The following THAP4 variants were observed in gnomAD, a reference collection of about 807,000 sequenced individuals.
THAP4 encodes THAP domain containing 4, also known as peroxynitrite isomerase THAP4.
In THAP4, 18 loss-of-function variants were observed where a neutral mutation model predicts 48.1. The ratio of observed to expected loss-of-function variants is 0.37; its 90% CI spans 0.26 to 0.56. The LOEUF (loss-of-function observed/expected upper bound fraction) is 0.56. THAP4 is among the 20% of genes least tolerant of loss of function. The pLI is 0.78. For synonymous variants in THAP4, 345 were observed against 324.9 expected (o/e 1.06, Z -0.66); for missense variants, 656 against 774.9 (o/e 0.85, Z 1.82).
At position 241,601,868 on chromosome 2, in the gene THAP4, A is replaced by G; in HGVS notation, c.1614+28T>C. 6.2e-7 allele frequency: 1 copy of G among 1,612,952 alleles called. No individual in the cohort carries two copies. The highest frequency in any genetic ancestry group is 1.1e-5 in the South Asian group (1 of 90,670). ...CAGACCGCTGCAAACAGAAGACAGGAGCGTGCTGGGAGCAGGGCTGGGCTC... is the reference window on the plus strand; with the variant it reads ...CAGACCGCTGCAAACAGAAGACAGGGGCGTGCTGGGAGCAGGGCTGGGCTC... On this transcript the variant is annotated intron_variant, in intron 5 of 5. Transcript: ENST00000407315. The surrounding 1 kb of genome is among the most constrained non-coding windows in gnomAD (Gnocchi z 4.0).
chr2:241,621,889 T>A (rs1450784365), intron 2 of THAP4, among the ~76,000 whole-genome samples: 1 of 151,388 alleles, frequency 6.6e-6, no homozygotes, highest in East Asian at 1.9e-4. Context: ...AATCCTTACA[T>A]GTAGAGCAGA....
In THAP4 at chr2:241,601,393, T is replaced by C. The variant is rs748953348; in HGVS notation, c.1614+503A>G. Among the ~76,000 whole-genome samples the C allele has an allele frequency of 3.0e-4, 45 of 152,162 alleles. 1 individual carries two copies. The highest frequency in any genetic ancestry group is 6.0e-4 in the Non-Finnish European group (41 of 68,026). ...TGAGCCCTCCTGCTTCTAAGTTAGATTCAAAACATGAGTGAGATTTCATCT... is the reference window on the plus strand; with the variant it reads ...TGAGCCCTCCTGCTTCTAAGTTAGACTCAAAACATGAGTGAGATTTCATCT... On this transcript the variant is annotated intron_variant, in intron 5 of 5. Coordinates refer to ENST00000407315, the MANE Select transcript of THAP4 (RefSeq NM_015963.6). The surrounding 1 kb of genome is among the most constrained non-coding windows in gnomAD (Gnocchi z 4.0).
chr2:241,587,513 A>G (rs1559214996), intron 5 of THAP4, among the ~76,000 whole-genome samples: 2 of 152,192 alleles, frequency 1.3e-5, no homozygotes, highest in South Asian at 2.1e-4. Context: ...GGGGACTTTT[A>G]TAACTATTGA....
chr2:241,633,998 T>A lies in THAP4; in HGVS notation c.159A>T (p.Ser53=). ...TGGTGAAATGCTCACTACAGAGAAATGAATACTTAGTGGGAGTCCAGTTAT... is the reference window on the plus strand; with the variant it reads ...TGGTGAAATGCTCACTACAGAGAAAAGAATACTTAGTGGGAGTCCAGTTAT... ...QRDNWTPTKY[S]FLCSEHFTKD... The change falls in exon 2 of 6, where the codon TCA becomes TCT. Residue 53 remains serine (S), a synonymous_variant. Coordinates refer to ENST00000407315, the MANE Select transcript of THAP4 (RefSeq NM_015963.6). This position sits in a 1 kb window ranked among gnomAD's most constrained non-coding sequence, Gnocchi z 7.5. The A allele has an allele frequency of 6.2e-7, 1 of 1,614,136 alleles. No homozygotes were observed. The highest frequency in any genetic ancestry group is 8.5e-7 in the Non-Finnish European group (1 of 1,180,022).
chr2:241,593,381 G>C (rs1225477785), intron 5 of THAP4, among the ~76,000 whole-genome samples: 1 of 152,256 alleles, frequency 6.6e-6, no homozygotes, highest in Non-Finnish European at 1.5e-5. Flanking sequence ...TGTGTCTCCT[G>C]CAACAGCCCC....
intron 2 of THAP4, among the ~76,000 whole-genome samples, chr2:241,629,906 C>A (rs957448414): frequency 1.3e-5 from 2 of 151,940 alleles, no homozygotes; most frequent in African/African-American, 4.8e-5. Context: ...GGTCCGCTGA[C>A]TAACACAAGT....
At position 241,634,025 on chromosome 2, in the gene THAP4, C is replaced by T; in HGVS notation, c.132G>A (p.Arg44=). ...AATACTTAGTGGGAGTCCAGTTATC[C>T]CTCTGAACAGCTTTTAACCATTGGA... ...RLIQWLKAVQ[R]DNWTPTKYSF... is the part of the protein sequence containing the mutation. Residue 44 remains arginine, a synonymous_variant, in exon 2 of 6, where the codon AGG becomes AGA. Transcript: ENST00000407315. 1 of 1,613,512 alleles carries T rather than the reference C, an allele frequency of 6.2e-7. No homozygotes were observed. The highest frequency in any genetic ancestry group is 8.5e-7 in the Non-Finnish European group (1 of 1,179,736).
intron 2 of THAP4, chr2:241,617,422 G>C: frequency 6.4e-7 from 1 of 1,551,154 alleles, no homozygotes; most frequent in African/African-American, 1.4e-5. Context: ...CCATCCCTAA[G>C]TTTTCTAAAC....
At chr2:241,608,498 A>G (rs553050828) in intron 2 of THAP4, among the ~76,000 whole-genome samples, 1 of 152,222 alleles carries the variant, frequency 6.6e-6, no homozygotes, top group African/African-American at 2.4e-5. Context: ...AAACTTTCCT[A>G]ATTAGACAAT....
chr2:241,594,962 C>A (rs924297896), intron 5 of THAP4, among the ~76,000 whole-genome samples: 1 of 152,124 alleles, frequency 6.6e-6, no homozygotes, highest in African/African-American at 2.4e-5. Context: ...TGTGAACATA[C>A]TAAAAACCAC....
chr2:241,591,632 G>A (rs933328432), intron 5 of THAP4, among the ~76,000 whole-genome samples: 3 of 152,080 alleles, frequency 2.0e-5, no homozygotes, highest in South Asian at 2.1e-4. Context: ...CAGGGGGGCC[G>A]GGCTCTTCAT....
At chr2:241,632,771 A>G in intron 2 of THAP4, 146 bp downstream of exon 2, 1 of 624,040 alleles carries the variant, frequency 1.6e-6, no homozygotes, top group Non-Finnish European at 2.7e-6. Context: ...CCTCATCCAC[A>G]AGGTATGGTT....
intron 2 of THAP4, among the ~76,000 whole-genome samples, chr2:241,628,796 C>T (rs761650340): frequency 4.0e-5 from 6 of 150,750 alleles, no homozygotes; most frequent in Non-Finnish European, 3.0e-5. Flanking sequence ...AAAAATTAGC[C>T]GGGCATGATG....
chr2:241,594,385 A>G (rs2067023775), intron 5 of THAP4, among the ~76,000 whole-genome samples: 1 of 152,078 alleles, frequency 6.6e-6, no homozygotes, highest in Non-Finnish European at 1.5e-5. Flanking sequence ...GGAGTTCGAG[A>G]CCAGCCTGGG....
chr2:241,614,797 G>A (rs956246238), intron 2 of THAP4, among the ~76,000 whole-genome samples: 1 of 152,168 alleles, frequency 6.6e-6, no homozygotes, highest in Non-Finnish European at 1.5e-5. Flanking sequence ...GCTGAGGCAG[G>A]AGAATCGCTT....
In THAP4 at chr2:241,606,465, T is replaced by TG. The variant is rs746484356; in HGVS notation, c.1248dup (p.Lys417GlnfsTer132). ...AGTGGCTCCACCACTGGGTTCATCT[T>TG]GGGGGGCTCTGAGGACAAAAGAATG... is the stretch of plus-strand genomic sequence containing the variant. On this transcript the variant is annotated frameshift_variant, in exon 3 of 6. Transcript: ENST00000407315. LOFTEE classifies it high-confidence loss of function. 4 of 1,603,264 alleles carry TG rather than the reference T, an allele frequency of 2.5e-6. No homozygotes were observed. The highest frequency in any genetic ancestry group is 8.5e-7 in the Non-Finnish European group (1 of 1,174,722).
intron 5 of THAP4, among the ~76,000 whole-genome samples, chr2:241,597,241 C>A (rs917608051): frequency 6.6e-6 from 1 of 152,190 alleles, no homozygotes; most frequent in Admixed American, 6.5e-5. Context: ...TCAAGCGATT[C>A]TCCTGCTTCA....
At chr2:241,586,262 GAAA>G (rs11320455) in intron 5 of THAP4, among the ~76,000 whole-genome samples, 4 of 83,986 alleles carry the variant, frequency 4.8e-5, no homozygotes, top group Non-Finnish European at 4.6e-5. Context: ...ATCTGAAGAG[GAAA>G]AAAAAAAAAA....
At chr2:241,588,071 TAAAG>T (rs759962372) in intron 5 of THAP4, among the ~76,000 whole-genome samples, 99 of 148,018 alleles carry the variant, frequency 6.7e-4, no homozygotes, top group Middle Eastern at 3.4e-3. Flanking sequence ...AGAAGAAAAA[TAAAG>T]AAACAAACTA....
Sources: allele counts gnomAD v4.1 joint callset (sites outside exome capture counted in the v4.1 genomes callset), GRCh38; gene constraint gnomAD v4.1.1; non-coding constraint Gnocchi (gnomAD v3.1); transcripts MANE v1.5; gene names NCBI Gene and HGNC (gene_info 2026-07-23, HGNC 2026-07-21).